RHOJ: variants seen among roughly 807,000 people sequenced by gnomAD.
RHOJ encodes ras homolog family member J.
Under a neutral mutation model 23.4 loss-of-function variants are expected in RHOJ, and 11 were observed. That is an observed-to-expected ratio of 0.47 (90% confidence interval 0.30 to 0.78). The LOEUF is 0.78. Ranked by LOEUF, RHOJ falls within the 30% of genes least tolerant of loss-of-function variation. The pLI is 0.08. For missense variants in RHOJ, 254 were observed against 273.4 expected (o/e 0.93, Z 0.50); for synonymous variants, 102 against 102.7 (o/e 0.99, Z 0.04).
intron 1 of RHOJ, among the ~76,000 whole-genome samples, chr14:63,245,163 A>G (rs965717440): frequency 1.1e-4 from 16 of 152,226 alleles, no homozygotes; most frequent in South Asian, 6.2e-4. Flanking sequence ...TTGTTCTAAA[A>G]AACTCTGTAA....
At chr14:63,207,895 G>T (rs1280417040) in intron 1 of RHOJ, among the ~76,000 whole-genome samples, 1 of 152,124 alleles carries the variant, frequency 6.6e-6, no homozygotes, top group Non-Finnish European at 1.5e-5. Flanking sequence ...TAAGAGTTAG[G>T]TACATGGTAG....
intron 2 of RHOJ, among the ~76,000 whole-genome samples, chr14:63,271,882 G>C (rs1895477512): frequency 6.6e-6 from 1 of 152,188 alleles, no homozygotes; most frequent in Admixed American, 6.5e-5. Flanking sequence ...ACAGATGTGA[G>C]CCCAAGAGTT....
At chr14:63,255,682 G>C (rs1164152314) in intron 1 of RHOJ, among the ~76,000 whole-genome samples, 1 of 151,492 alleles carries the variant, frequency 6.6e-6, no homozygotes, top group East Asian at 1.9e-4. Context: ...ACACTCAACT[G>C]AAGGGCCACC....
chr14:63,209,731 C>T (rs572460191), intron 1 of RHOJ, among the ~76,000 whole-genome samples: 1 of 152,288 alleles, frequency 6.6e-6, no homozygotes, highest in African/African-American at 2.4e-5. Flanking sequence ...ATTACTATGT[C>T]TTTGCAATCT....
At chr14:63,212,676 T>C (rs975133817) in intron 1 of RHOJ, among the ~76,000 whole-genome samples, 7 of 152,204 alleles carry the variant, frequency 4.6e-5, no homozygotes, top group African/African-American at 1.4e-4. Flanking sequence ...ATCCTGATAG[T>C]ATCATCTATT....
intron 1 of RHOJ, among the ~76,000 whole-genome samples, chr14:63,233,630 G>A (rs192396764): frequency 1.3e-5 from 2 of 152,252 alleles, no homozygotes; most frequent in Admixed American, 6.5e-5. Context: ...TCACAAACTA[G>A]ATTTTATTTA....
intron 1 of RHOJ, among the ~76,000 whole-genome samples, chr14:63,219,942 C>T (rs1182681354): frequency 6.6e-6 from 1 of 152,164 alleles, no homozygotes. Flanking sequence ...ACGAGCAGCT[C>T]CTGATAAGCC....
chr14:63,254,610 A>C (rs1320138902), intron 1 of RHOJ, among the ~76,000 whole-genome samples: 1 of 152,140 alleles, frequency 6.6e-6, no homozygotes, highest in Admixed American at 6.5e-5. Context: ...GGGAAAAAAG[A>C]AAATTGGATA....
intron 2 of RHOJ, among the ~76,000 whole-genome samples, chr14:63,272,749 G>A (rs1895494140): frequency 6.6e-6 from 1 of 152,156 alleles, no homozygotes; most frequent in African/African-American, 2.4e-5. Context: ...TAATGGGCTG[G>A]GCACGGTGGC....
intron 1 of RHOJ, among the ~76,000 whole-genome samples, chr14:63,226,925 A>G (rs1303540616): frequency 3.3e-5 from 5 of 152,170 alleles, no homozygotes; most frequent in Non-Finnish European, 7.3e-5. Flanking sequence ...GGCAATACCT[A>G]AAGATAATCC....
chr14:63,222,791 T>C (rs1244801292), intron 1 of RHOJ, among the ~76,000 whole-genome samples: 3 of 152,252 alleles, frequency 2.0e-5, no homozygotes, highest in African/African-American at 7.2e-5. Context: ...TTCACTCTGA[T>C]GGTAGTTTCT....
chr14:63,252,205 T>C (rs374979701), intron 1 of RHOJ, among the ~76,000 whole-genome samples: 4 of 152,178 alleles, frequency 2.6e-5, no homozygotes, highest in Admixed American at 2.0e-4. Flanking sequence ...TCCCAGTGTC[T>C]AGAGGCTGCC....
chr14:63,284,732 C>T (rs1198265026), intron 4 of RHOJ, among the ~76,000 whole-genome samples: 2 of 152,162 alleles, frequency 1.3e-5, no homozygotes, highest in African/African-American at 4.8e-5. Context: ...TTTTTCACAG[C>T]CAGGATGTCC....
chr14:63,219,286 G>T (rs1260786144), intron 1 of RHOJ, among the ~76,000 whole-genome samples: 1 of 151,970 alleles, frequency 6.6e-6, no homozygotes, highest in Non-Finnish European at 1.5e-5. Context: ...GGATCCATTT[G>T]TTCAGTAAAA....
chr14:63,290,534 G>T (rs1882213019), intron 4 of RHOJ, among the ~76,000 whole-genome samples: 1 of 151,924 alleles, frequency 6.6e-6, no homozygotes, highest in South Asian at 2.1e-4. Flanking sequence ...TTATATCATT[G>T]GTTTTGAATT....
chr14:63,219,924 T>C (rs565761472), intron 1 of RHOJ, among the ~76,000 whole-genome samples: 1 of 152,322 alleles, frequency 6.6e-6, no homozygotes, highest in South Asian at 2.1e-4. Context: ...CAGCAGTACA[T>C]TAACTTAACG....
chr14:63,220,631 A>G (rs991598439), intron 1 of RHOJ, among the ~76,000 whole-genome samples: 3 of 152,048 alleles, frequency 2.0e-5, no homozygotes, highest in Non-Finnish European at 4.4e-5. Context: ...TGGCCAGGAG[A>G]TGTGCTTTTG....
chr14:63,236,240 G>A (rs1894787280), intron 1 of RHOJ, among the ~76,000 whole-genome samples: 1 of 152,142 alleles, frequency 6.6e-6, no homozygotes, highest in Non-Finnish European at 1.5e-5. Context: ...AGTAAAGCCT[G>A]CTGTGTAAGC....
intron 1 of RHOJ, among the ~76,000 whole-genome samples, chr14:63,243,718 C>T (rs993259249): frequency 1.3e-5 from 2 of 152,176 alleles, no homozygotes; most frequent in Non-Finnish European, 2.9e-5. Context: ...ACGGCAAGGA[C>T]ATCCTAAAAA....
Sources: gnomAD v4.1 joint callset for allele counts (sites outside exome capture counted in the v4.1 genomes callset) on GRCh38, gnomAD v4.1.1 for gene constraint, MANE v1.5 for transcripts, NCBI Gene and HGNC (gene_info 2026-07-23, HGNC 2026-07-21) for gene names.